KSR1: variants seen among roughly 807,000 people sequenced by gnomAD.
The protein encoded by KSR1 is kinase suppressor of ras 1.
A neutral mutation model predicts 92.9 loss-of-function variants in KSR1; 35 were observed. That is an observed-to-expected ratio of 0.38 (90% CI 0.29 to 0.50). The LOEUF (loss-of-function observed/expected upper bound fraction) is 0.50. KSR1 is among the 20% of genes least tolerant of loss of function. The pLI, the probability that KSR1 is intolerant of heterozygous loss-of-function variation, is 0.94. For synonymous variants in KSR1, 467 were observed against 472.6 expected, an observed-to-expected ratio of 0.99 and a Z score of 0.15; for missense variants, 972 against 1,158.5, an observed-to-expected ratio of 0.84 and a Z score of 2.34.
At chr17:27,617,984 C>T (rs185514488) in intron 19 of KSR1, among the ~76,000 whole-genome samples, 3 of 152,338 alleles carry the variant, frequency 2.0e-5, no homozygotes, top group African/African-American at 7.2e-5. Flanking sequence ...TGAAATACTA[C>T]ATCATCACTA....
chr17:27,541,072 G>A (rs1393948446), intron 1 of KSR1, among the ~76,000 whole-genome samples: 2 of 152,256 alleles, frequency 1.3e-5, no homozygotes, highest in African/African-American at 4.8e-5. Flanking sequence ...GGAGTAAGTT[G>A]CCAGGGCTTT....
chr17:27,552,988 A>C (rs1014800692), intron 2 of KSR1, among the ~76,000 whole-genome samples: 1 of 152,154 alleles, frequency 6.6e-6, no homozygotes, highest in Non-Finnish European at 1.5e-5. Context: ...ATAGAAACTC[A>C]CCAGGGTCCT....
intron 2 of KSR1, among the ~76,000 whole-genome samples, chr17:27,556,829 G>A (rs1312018356): frequency 6.6e-6 from 1 of 152,206 alleles, no homozygotes; most frequent in East Asian, 1.9e-4. Flanking sequence ...TTCATGGGTT[G>A]GTGTGGCCTC....
chr17:27,502,777 C>T lies in KSR1; in HGVS notation c.231+45903C>T, dbSNP rs770130662. Among the ~76,000 whole-genome samples, 5 of 152,360 alleles carry T rather than the reference C, an allele frequency of 3.3e-5. No individual in the cohort carries two copies. The South Asian group carries it at 6.2e-4, about 19-fold the overall frequency. ...TGGGGTGCAAATGGCAAGAATTCTG[C>T]AGCAGCCTTCCAGCGTTGGATTCCT... On this transcript the variant is annotated intron_variant, in intron 1 of 20. Transcript: ENST00000644974.
chr17:27,564,533 G>T (rs1427496137), intron 2 of KSR1, among the ~76,000 whole-genome samples: 1 of 152,242 alleles, frequency 6.6e-6, no homozygotes, highest in Non-Finnish European at 1.5e-5. Context: ...GGATGTGCCT[G>T]TGGGACAGGC....
chr17:27,484,732 G>T (rs2068613555), intron 1 of KSR1, among the ~76,000 whole-genome samples: 1 of 152,192 alleles, frequency 6.6e-6, no homozygotes, highest in African/African-American at 2.4e-5. Context: ...TGCCTGCCTT[G>T]GGGCTAGGGG....
At chr17:27,598,562 C>T (rs1035842676) in intron 10 of KSR1, among the ~76,000 whole-genome samples, 1 of 152,240 alleles carries the variant, frequency 6.6e-6, no homozygotes, top group African/African-American at 2.4e-5. Context: ...ACACCCCTCC[C>T]CTCCCTGCAT....
At chr17:27,556,530 T>C (rs904529846) in intron 2 of KSR1, among the ~76,000 whole-genome samples, 1 of 152,214 alleles carries the variant, frequency 6.6e-6, no homozygotes, top group African/African-American at 2.4e-5. Flanking sequence ...CCTGCTCAAC[T>C]TTTTAATGAG....
intron 1 of KSR1, among the ~76,000 whole-genome samples, chr17:27,533,657 C>T (rs1405762819): frequency 1.3e-5 from 2 of 152,162 alleles, no homozygotes; most frequent in Non-Finnish European, 1.5e-5. Context: ...GTTGGGATTA[C>T]AGGTGTGAGC....
At chr17:27,604,759 G>C (rs1555607153) in intron 13 of KSR1, 31 bp downstream of exon 13, 8 of 1,610,940 alleles carry the variant, frequency 5.0e-6, no homozygotes, top group Non-Finnish European at 6.8e-6. Flanking sequence ...TCCACAGATG[G>C]CCCCCCCTCT....
At chr17:27,477,258 A>G (rs992585126) in intron 1 of KSR1, among the ~76,000 whole-genome samples, 11 of 152,170 alleles carry the variant, frequency 7.2e-5, no homozygotes, top group Admixed American at 2.0e-4. Flanking sequence ...CTCCTGTCTC[A>G]TCCTGTGACT....
chr17:27,518,948 C>T (rs761086718), intron 1 of KSR1, among the ~76,000 whole-genome samples: 2 of 152,178 alleles, frequency 1.3e-5, no homozygotes, highest in East Asian at 3.9e-4. Flanking sequence ...AGCACAGTAG[C>T]TGTGAGGAAG....
At chr17:27,550,542 G>A in intron 1 of KSR1, 26 bp from the exon 2 acceptor site, 2 of 762,964 alleles carry the variant, frequency 2.6e-6, no homozygotes, top group East Asian at 2.4e-5. Context: ...ATGAACACAG[G>A]CTTTTCTTTT....
rs915881801 is a variant in KSR1, at chr17:27,624,706, G to A, written c.*1314G>A. The A allele has an allele frequency of 7.2e-5, 11 of 152,202 alleles. No homozygotes were observed. Among genetic ancestry groups the A allele is most frequent in the Non-Finnish European group, 1.3e-4 (9 of 68,058 alleles). 9.4% of individuals were successfully genotyped at this position (152,202 alleles called of 1,614,324 possible). ...GACTCCAAAACCAGAAAGGAAAAAG[G>A]GTGATGGGAGTGGAGACGTGATTGG... On this transcript the variant is annotated 3_prime_UTR_variant, in exon 21 of 21. Transcript: ENST00000644974.
At chr17:27,460,167 C>T (rs2019364429) in intron 1 of KSR1, among the ~76,000 whole-genome samples, 1 of 152,158 alleles carries the variant, frequency 6.6e-6, no homozygotes. Context: ...CGGGAATGTT[C>T]TTATGCCCCA....
At chr17:27,499,122 G>A (rs1346153153) in intron 1 of KSR1, among the ~76,000 whole-genome samples, 3 of 152,196 alleles carry the variant, frequency 2.0e-5, no homozygotes, top group African/African-American at 4.8e-5. Context: ...TTTGTTCAGA[G>A]CAAGAGGAAC....
chr17:27,602,509 G>A (rs921292431), intron 11 of KSR1, among the ~76,000 whole-genome samples: 7 of 152,228 alleles, frequency 4.6e-5, no homozygotes, highest in Admixed American at 2.0e-4. Context: ...TAAAGCAAAC[G>A]TGGACACATT....
chr17:27,498,936 G>A (rs2069085687), intron 1 of KSR1, among the ~76,000 whole-genome samples: 1 of 152,168 alleles, frequency 6.6e-6, no homozygotes, highest in African/African-American at 2.4e-5. Flanking sequence ...GAGTGCAGCT[G>A]CAGAGGAACC....
intron 1 of KSR1, among the ~76,000 whole-genome samples, chr17:27,499,365 T>C (rs73983444): frequency 0.02 from 3,037 of 152,304 alleles, 90 homozygotes; most frequent in African/African-American, 0.069. Context: ...AGGGTGGTTT[T>C]ATCAGTCAAT....
Sources: gnomAD v4.1 joint callset for allele counts (sites outside exome capture counted in the v4.1 genomes callset) on GRCh38, gnomAD v4.1.1 for gene constraint, MANE v1.5 for transcripts, NCBI Gene and HGNC (gene_info 2026-07-23, HGNC 2026-07-21) for gene names.